SLC22A3: variants seen among roughly 807,000 people sequenced by gnomAD.
The protein encoded by SLC22A3 is solute carrier family 22 member 3, also known as EMT organic cation transporter 3.
A neutral mutation model predicts 59.1 loss-of-function variants in SLC22A3; 51 were observed. The observed-to-expected ratio is 0.86, with a 90% CI of 0.69 to 1.09. SLC22A3 has a LOEUF of 1.09. Among genes scored for constraint, SLC22A3 ranks in the 50% least tolerant of loss-of-function variants. The pLI is 0.00. For missense variants in SLC22A3, 711 were observed against 726.3 expected, an observed-to-expected ratio of 0.98 and a Z score of 0.24; for synonymous variants, 325 against 292.0, an observed-to-expected ratio of 1.11 and a Z score of -1.15.
Position 160,398,626 on chromosome 6 carries a change from C to T in SLC22A3, c.533+544C>T, listed in dbSNP as rs558212996. 5.9e-5 allele frequency among the ~76,000 whole-genome samples: 9 copies of T among 152,306 alleles called. No homozygotes were observed. The South Asian group carries it at 1.9e-3, about 32-fold the overall frequency. ...ATTCATAAATGCAACTGCCCAGTGG[C>T]AGGCATGGTGAGTGTGTATATTCAA... On this transcript the variant is annotated intron_variant, in intron 2 of 10. Transcript: ENST00000275300.
intron 1 of SLC22A3, among the ~76,000 whole-genome samples, chr6:160,377,035 C>T (rs1336992494): frequency 6.6e-6 from 1 of 152,168 alleles, no homozygotes; most frequent in Non-Finnish European, 1.5e-5. Flanking sequence ...CTGGCAAGGA[C>T]AGCTTTTGGT....
At chr6:160,448,507 A>C (rs1015152074) in intron 10 of SLC22A3, among the ~76,000 whole-genome samples, 2 of 152,180 alleles carry the variant, frequency 1.3e-5, no homozygotes, top group Admixed American at 6.5e-5. Flanking sequence ...ATGTCTGGAT[A>C]GATAGGTGGA....
chr6:160,420,113 C>T (rs1212100925), intron 5 of SLC22A3, among the ~76,000 whole-genome samples: 1 of 152,208 alleles, frequency 6.6e-6, no homozygotes, highest in Non-Finnish European at 1.5e-5. Flanking sequence ...CATTTCCTTC[C>T]CCAAATGGAA....
chr6:160,368,715 C>T (rs1475158968), intron 1 of SLC22A3, among the ~76,000 whole-genome samples: 1 of 152,186 alleles, frequency 6.6e-6, no homozygotes, highest in African/African-American at 2.4e-5. Flanking sequence ...CTCACCTCCT[C>T]ACCCCTGGTC....
chr6:160,450,504 G>A (rs142940563), intron 10 of SLC22A3, among the ~76,000 whole-genome samples: 2,695 of 152,306 alleles, frequency 0.018, 33 homozygotes, highest in African/African-American at 0.027. Context: ...AATTTGTACA[G>A]TTAACACAGT....
chr6:160,363,120 G>GT (rs1444903622), intron 1 of SLC22A3, among the ~76,000 whole-genome samples: 4 of 152,242 alleles, frequency 2.6e-5, no homozygotes, highest in Non-Finnish European at 4.4e-5. Flanking sequence ...AGAAAGAGAG[G>GT]GTCTCAGCCT....
chr6:160,430,987 A>T (rs902860957), intron 5 of SLC22A3, among the ~76,000 whole-genome samples: 25 of 152,304 alleles, frequency 1.6e-4, no homozygotes, highest in African/African-American at 5.8e-4. Context: ...GGGATCATGG[A>T]AAGGGTCCGT....
chr6:160,407,632 A>C (rs1787070311), intron 3 of SLC22A3, among the ~76,000 whole-genome samples: 1 of 152,132 alleles, frequency 6.6e-6, no homozygotes, highest in South Asian at 2.1e-4. Flanking sequence ...TACAAGTGGG[A>C]AACTTTTTAC....
intron 5 of SLC22A3, among the ~76,000 whole-genome samples, chr6:160,432,559 C>G (rs1458912102): frequency 6.6e-6 from 1 of 151,832 alleles, no homozygotes; most frequent in African/African-American, 2.4e-5. Flanking sequence ...TCCCGAGTAG[C>G]TGGGATTACA....
chr6:160,425,936 C>T (rs957450153), intron 5 of SLC22A3: 11 of 985,412 alleles, frequency 1.1e-5, no homozygotes, highest in East Asian at 2.3e-4. Flanking sequence ...CCAGAGATGG[C>T]GTGTGCTACT....
intron 5 of SLC22A3, among the ~76,000 whole-genome samples, chr6:160,411,629 C>T (rs1368565512): frequency 6.6e-6 from 1 of 152,114 alleles, no homozygotes; most frequent in Non-Finnish European, 1.5e-5. Context: ...GTTGTCTCAG[C>T]TACTCAGGAG....
intron 1 of SLC22A3, among the ~76,000 whole-genome samples, chr6:160,366,234 T>A (rs890147212): frequency 6.6e-6 from 1 of 152,192 alleles, no homozygotes; most frequent in African/African-American, 2.4e-5. Flanking sequence ...ACAAGGCAAG[T>A]CCCTTCAACC....
chr6:160,443,020 T>G, intron 8 of SLC22A3, 151 bp downstream of exon 8: 1 of 689,196 alleles, frequency 1.5e-6, no homozygotes, highest in Non-Finnish European at 2.6e-6. Context: ...ATGCTTTGAG[T>G]TATCACTGCT....
At chr6:160,384,336 C>T (rs750945768) in intron 1 of SLC22A3, among the ~76,000 whole-genome samples, 13 of 152,312 alleles carry the variant, frequency 8.5e-5, no homozygotes, top group African/African-American at 1.4e-4. Flanking sequence ...TACATAAATT[C>T]GGGGTGTTTT....
At chr6:160,443,865 T>G in intron 9 of SLC22A3, 123 bp downstream of exon 9, 2 of 462,552 alleles carry the variant, frequency 4.3e-6, no homozygotes, top group Middle Eastern at 5.6e-4. Flanking sequence ...TAATAACTAT[T>G]TCATTGATAA....
chr6:160,449,117 C>T (rs1199580128), intron 10 of SLC22A3, among the ~76,000 whole-genome samples: 1 of 152,086 alleles, frequency 6.6e-6, no homozygotes, highest in East Asian at 1.9e-4. Context: ...GATTTGCAAA[C>T]TCATCAGGAA....
chr6:160,369,953 G>C (rs1255590344), intron 1 of SLC22A3, among the ~76,000 whole-genome samples: 3 of 152,174 alleles, frequency 2.0e-5, no homozygotes, highest in African/African-American at 4.8e-5. Context: ...GAGCCGTCAG[G>C]GTGTCTTAAT....
At chr6:160,354,649 A>T (rs1263492832) in intron 1 of SLC22A3, among the ~76,000 whole-genome samples, 2 of 152,210 alleles carry the variant, frequency 1.3e-5, no homozygotes, top group Admixed American at 6.5e-5. Flanking sequence ...AAAATATTTT[A>T]AAATTTTTAA....
chr6:160,381,335 C>A (rs1220149813), intron 1 of SLC22A3, among the ~76,000 whole-genome samples: 2 of 152,134 alleles, frequency 1.3e-5, no homozygotes, highest in Non-Finnish European at 2.9e-5. Context: ...AGCATGCATT[C>A]TGAAACTTGA....
Sources: gnomAD v4.1 joint callset for allele counts (sites outside exome capture counted in the v4.1 genomes callset) on GRCh38, gnomAD v4.1.1 for gene constraint, MANE v1.5 for transcripts, NCBI Gene and HGNC (gene_info 2026-07-23, HGNC 2026-07-21) for gene names.